Variants in SPAG16 observed in about 807,000 individuals in gnomAD.
The protein encoded by SPAG16 is sperm associated antigen 16.
Under a neutral mutation model 80.4 loss-of-function variants are expected in SPAG16, and 86 were observed. The ratio of observed to expected loss-of-function variants is 1.07; its 90% CI spans 0.90 to 1.28. The LOEUF is 1.28. Ranked by LOEUF, SPAG16 falls within the 50% of genes most tolerant of loss-of-function variation. The pLI, the probability that SPAG16 is intolerant of heterozygous loss-of-function variation, is 0.00. For missense variants in SPAG16, 870 were observed against 765.3 expected (o/e 1.14, Z -1.61); for synonymous variants, 294 against 265.9 (o/e 1.11, Z -1.03).
intron 9 of SPAG16, among the ~76,000 whole-genome samples, chr2:213,478,443 A>G (rs1024406586): frequency 1.3e-5 from 2 of 152,214 alleles, no homozygotes; most frequent in African/African-American, 2.4e-5. Context: ...TAAATTCTGT[A>G]ATGTCATAAA....
At chr2:213,592,919 A>C (rs746299923) in intron 10 of SPAG16, among the ~76,000 whole-genome samples, 11 of 152,234 alleles carry the variant, frequency 7.2e-5, no homozygotes, top group Non-Finnish European at 1.3e-4. Context: ...ACAGACAAGT[A>C]TAACATATTG....
intron 10 of SPAG16, among the ~76,000 whole-genome samples, chr2:213,662,935 T>C (rs1386924756): frequency 6.6e-6 from 1 of 152,098 alleles, no homozygotes. Context: ...GAGGTTGTAA[T>C]AACCTGTAAT....
intron 10 of SPAG16, among the ~76,000 whole-genome samples, chr2:213,760,048 A>C (rs933344717): frequency 6.6e-6 from 1 of 152,190 alleles, no homozygotes; most frequent in Non-Finnish European, 1.5e-5. Context: ...AAAAGAAAAA[A>C]AAAAGAATTC....
chr2:214,376,763 T>C (rs1470156063), intron 15 of SPAG16, among the ~76,000 whole-genome samples: 2 of 152,290 alleles, frequency 1.3e-5, no homozygotes, highest in Admixed American at 6.5e-5. Flanking sequence ...TCATTCATCT[T>C]TGTAACTGAG....
At chr2:213,796,696 C>T (rs1015749763) in intron 10 of SPAG16, among the ~76,000 whole-genome samples, 1 of 151,938 alleles carries the variant, frequency 6.6e-6, no homozygotes, top group African/African-American at 2.4e-5. Context: ...ACCTGCTGCA[C>T]TTCTAATCAT....
At chr2:213,909,701 C>G (rs2077580032) in intron 11 of SPAG16, among the ~76,000 whole-genome samples, 1 of 152,148 alleles carries the variant, frequency 6.6e-6, no homozygotes, top group Non-Finnish European at 1.5e-5. Context: ...TGGATCCCTT[C>G]CTTACACCTT....
chr2:213,403,458 A>G (rs1342248058), intron 9 of SPAG16, among the ~76,000 whole-genome samples: 1 of 152,194 alleles, frequency 6.6e-6, no homozygotes, highest in East Asian at 1.9e-4. Context: ...GACAAAAACC[A>G]CCTGATTATC....
chr2:213,331,290 G>A (rs1444789041), intron 5 of SPAG16, among the ~76,000 whole-genome samples: 2 of 152,140 alleles, frequency 1.3e-5, no homozygotes, highest in Non-Finnish European at 2.9e-5. Flanking sequence ...GGGCTAAAAG[G>A]GACCCCACTG....
At chr2:213,305,540 A>G (rs180882704) in intron 3 of SPAG16, among the ~76,000 whole-genome samples, 12 of 152,126 alleles carry the variant, frequency 7.9e-5, no homozygotes, top group South Asian at 2.1e-4. Context: ...TTCTATCTCC[A>G]TGTTTTTTGA....
intron 15 of SPAG16, among the ~76,000 whole-genome samples, chr2:214,325,225 C>T (rs1316646305): frequency 6.6e-6 from 1 of 152,120 alleles, no homozygotes; most frequent in Non-Finnish European, 1.5e-5. Context: ...CATAATATGC[C>T]TACTACTTAC....
intron 10 of SPAG16, among the ~76,000 whole-genome samples, chr2:213,608,767 A>G (rs6716909): frequency 0.33 from 49,613 of 152,038 alleles, 8,549 homozygotes; most frequent in Middle Eastern, 0.48. Flanking sequence ...CTCACTGCCA[A>G]CTCCGCCTCC....
At chr2:213,657,465 T>C (rs1377091446) in intron 10 of SPAG16, among the ~76,000 whole-genome samples, 2 of 152,168 alleles carry the variant, frequency 1.3e-5, no homozygotes, top group African/African-American at 4.8e-5. Flanking sequence ...AAAAAATTGA[T>C]TGTCTAATAA....
intron 11 of SPAG16, among the ~76,000 whole-genome samples, chr2:213,865,628 G>A (rs1575399613): frequency 1.3e-5 from 2 of 149,062 alleles, no homozygotes; most frequent in Admixed American, 6.7e-5. Context: ...GAAAAAGGAT[G>A]TATATTTATG....
chr2:214,205,181 G>A (rs565169890), intron 15 of SPAG16, among the ~76,000 whole-genome samples: 6 of 151,930 alleles, frequency 3.9e-5, no homozygotes, highest in South Asian at 4.2e-4. Flanking sequence ...CCAAGATCAC[G>A]CCACTGCACT....
chr2:213,502,199 C>T (rs1297794827), intron 10 of SPAG16, among the ~76,000 whole-genome samples: 1 of 152,150 alleles, frequency 6.6e-6, no homozygotes, highest in Non-Finnish European at 1.5e-5. Context: ...GAAGAGGGCT[C>T]AGTGCAGCCT....
intron 11 of SPAG16, among the ~76,000 whole-genome samples, chr2:213,863,462 A>T (rs959876671): frequency 4.6e-5 from 7 of 152,242 alleles, no homozygotes; most frequent in Admixed American, 3.9e-4. Flanking sequence ...AGATAAAAAA[A>T]TTTTATTTAA....
At chr2:213,490,940 T>C (rs1223358227) in intron 10 of SPAG16, among the ~76,000 whole-genome samples, 1 of 152,228 alleles carries the variant, frequency 6.6e-6, no homozygotes, top group Non-Finnish European at 1.5e-5. Flanking sequence ...ACATATATTT[T>C]ACCTATAGTG....
chr2:213,628,830 A>C (rs1427423485), intron 10 of SPAG16, among the ~76,000 whole-genome samples: 1 of 152,222 alleles, frequency 6.6e-6, no homozygotes, highest in Admixed American at 6.5e-5. Context: ...AACTGAAATT[A>C]CCTAACCAAG....
intron 10 of SPAG16, among the ~76,000 whole-genome samples, chr2:213,861,542 A>G (rs2075463950): frequency 6.6e-6 from 1 of 152,202 alleles, no homozygotes; most frequent in Non-Finnish European, 1.5e-5. Flanking sequence ...ATTGTCTTTG[A>G]ATTTAGATGG....
Sources: allele counts gnomAD v4.1 joint callset (sites outside exome capture counted in the v4.1 genomes callset), GRCh38; gene constraint gnomAD v4.1.1; transcripts MANE v1.5; gene names NCBI Gene and HGNC (gene_info 2026-07-23, HGNC 2026-07-21).